The following ZNF83 variants were observed in gnomAD, a reference collection of about 807,000 sequenced individuals.
The protein encoded by ZNF83 is zinc finger protein 83.
For synonymous variants in ZNF83, 209 were observed against 213.0 expected, an observed-to-expected ratio of 0.98 and a Z score of 0.17; for missense variants, 552 against 629.9, an observed-to-expected ratio of 0.88 and a Z score of 1.32.
intron 2 of ZNF83, among the ~76,000 whole-genome samples, chr19:52,627,109 T>C (rs892122840): frequency 2.6e-5 from 4 of 152,146 alleles, no homozygotes; most frequent in Non-Finnish European, 5.9e-5. Flanking sequence ...ACAATGCACC[T>C]TGTGACGCTC....
At position 52,615,380 on chromosome 19, in the gene ZNF83, C is replaced by T. The variant is rs147600296; in HGVS notation, c.-233-583G>A. Among the ~76,000 whole-genome samples the T allele has an allele frequency of 4.7e-3, 712 of 152,130 alleles. 5 individuals carry two copies. The highest frequency in any genetic ancestry group is 7.4e-3 in the Non-Finnish European group (504 of 67,998). ...GAAGCTCTCATGAACAGGATTAGTG[C>T]CTGTATAAGAAAAACCACTAGAGTA... On this transcript the variant is annotated intron_variant, in intron 2 of 2. Transcript: ENST00000301096.
At chr19:52,631,184 T>A (rs1089761) in intron 2 of ZNF83, among the ~76,000 whole-genome samples, 114,954 of 144,224 alleles carry the variant, frequency 0.8, 46,604 homozygotes, top group African/African-American at 0.94. Flanking sequence ...CCCAAATTTC[T>A]TCCTCATCTG....
chr19:52,652,501 CTG>C, intron 3 of ZNF83: 2 of 447,866 alleles, frequency 4.5e-6, no homozygotes, highest in South Asian at 1.7e-5. Context: ...ATGAATTCTC[CTG>C]TGTTTTGCAT....
At chr19:52,624,025 CT>C (rs1487611187) in intron 2 of ZNF83, among the ~76,000 whole-genome samples, 1 of 152,180 alleles carries the variant, frequency 6.6e-6, no homozygotes, top group Non-Finnish European at 1.5e-5. Flanking sequence ...ATCCCAGCCC[CT>C]CTTTGCTTTT....
chr19:52,653,955 G>C (rs1435120140), intron 3 of ZNF83: 13 of 1,248,526 alleles, frequency 1.0e-5, no homozygotes, highest in Non-Finnish European at 1.4e-5. Context: ...ATGAAGAATG[G>C]AGAAAGTTCT....
intron 1 of ZNF83, among the ~76,000 whole-genome samples, chr19:52,666,889 A>C (rs2061661481): frequency 6.6e-6 from 1 of 152,232 alleles, no homozygotes; most frequent in Non-Finnish European, 1.5e-5. Flanking sequence ...TCAATAAGTG[A>C]TAAAGAAACT....
In ZNF83 at chr19:52,643,515, C is replaced by A. The variant is rs565493685; in HGVS notation, c.-73-8362G>T. On this transcript the variant is annotated intron_variant, in intron 3 of 5. Coordinates refer to the ZNF83 transcript ENST00000594682. ...AGGAGATTGAGGCCATCCTGGTCAA[C>A]ACAGTGAAACCCCATCTTTACTAAA... Among the ~76,000 whole-genome samples, 372 of 152,094 alleles carry A rather than the reference C, an allele frequency of 2.4e-3. 1 individual carries two copies. Among genetic ancestry groups the A allele is most frequent in the African/African-American group, 7.7e-3 (318 of 41,480 alleles).
upstream of ZNF83, among the ~76,000 whole-genome samples, chr19:52,642,495 C>T (rs776303093): frequency 6.4e-4 from 97 of 151,896 alleles, no homozygotes; most frequent in Non-Finnish European, 9.3e-4. Context: ...CTCGAACTCC[C>T]GACCTCAGGT....
At chr19:52,623,603 T>G (rs945896451) in intron 2 of ZNF83, among the ~76,000 whole-genome samples, 1 of 152,062 alleles carries the variant, frequency 6.6e-6, no homozygotes, top group African/African-American at 2.4e-5. Context: ...CAAAGCCTCC[T>G]TCACGTCTTC....
intron 2 of ZNF83, among the ~76,000 whole-genome samples, chr19:52,631,023 C>A (rs1089760): frequency 0.37 from 52,006 of 142,344 alleles, 10,319 homozygotes; most frequent in African/African-American, 0.49. Context: ...CTGGATCTCA[C>A]ACATGCTTTC....
intron 3 of ZNF83, chr19:52,653,951 A>T: frequency 1.6e-6 from 2 of 1,220,388 alleles, no homozygotes; most frequent in Non-Finnish European, 2.4e-6. Flanking sequence ...AATAATGAAG[A>T]ATGGAGAAAG....
chr19:52,623,395 A>G, intron 2 of ZNF83, among the ~76,000 whole-genome samples: 1 of 152,110 alleles, frequency 6.6e-6, no homozygotes, highest in Non-Finnish European at 1.5e-5. Flanking sequence ...TGTTGTGGGT[A>G]TTGATGGCCA....
chr19:52,629,583 C>A (rs548916995), intron 2 of ZNF83, among the ~76,000 whole-genome samples: 11 of 152,280 alleles, frequency 7.2e-5, no homozygotes, highest in African/African-American at 2.4e-4. Flanking sequence ...AGCCCTCCCC[C>A]ACCTGCCCAG....
chr19:52,671,123 C>G (rs2061719219), intron 1 of ZNF83, among the ~76,000 whole-genome samples: 1 of 152,066 alleles, frequency 6.6e-6, no homozygotes. Context: ...TTTGAAGGAC[C>G]ATTTCAAAAT....
chr19:52,676,145 T>G (rs1166479468), intron 1 of ZNF83, among the ~76,000 whole-genome samples: 1 of 152,154 alleles, frequency 6.6e-6, no homozygotes, highest in Non-Finnish European at 1.5e-5. Flanking sequence ...CACGCCTGAC[T>G]GGTTTTCGTA....
chr19:52,612,815 G>C (rs2060147862), exon 3 of ZNF83: 3 of 467,068 alleles, frequency 6.4e-6, no homozygotes, highest in African/African-American at 2.0e-5. Flanking sequence ...AAGAATCCTG[G>C]TCTCAGATTT....
At chr19:52,638,884 A>G (rs531038744), upstream of ZNF83, among the ~76,000 whole-genome samples, 69 of 152,280 alleles carry the variant, frequency 4.5e-4, no homozygotes, top group South Asian at 3.1e-3. Flanking sequence ...CCAGCTATTC[A>G]GGAAGCAGCG....
intron 1 of ZNF83, among the ~76,000 whole-genome samples, chr19:52,676,090 C>G (rs1357358732): frequency 6.6e-6 from 1 of 152,162 alleles, no homozygotes. Flanking sequence ...GCCTGATTCT[C>G]CTGCCTCAGC....
chr19:52,647,976 T>G (rs1258535189), intron 3 of ZNF83, among the ~76,000 whole-genome samples: 1 of 151,646 alleles, frequency 6.6e-6, no homozygotes, highest in East Asian at 1.9e-4. Flanking sequence ...TCTGTTCTCC[T>G]TGCCACCAGC....
Sources: allele counts gnomAD v4.1 joint callset (sites outside exome capture counted in the v4.1 genomes callset), GRCh38; gene constraint gnomAD v4.1.1; transcripts MANE v1.5; gene names NCBI Gene and HGNC (gene_info 2026-07-23, HGNC 2026-07-21).